The following TNFSF18 variants were observed in gnomAD, a reference collection of about 807,000 sequenced individuals.
TNFSF18 encodes the protein tumor necrosis factor ligand superfamily member 18.
A neutral mutation model predicts 9.6 loss-of-function variants in TNFSF18; 6 were observed. The observed-to-expected ratio is 0.63, with a 90% CI of 0.34 to 1.24. TNFSF18 has a LOEUF of 1.24. TNFSF18 is among the 50% of genes most tolerant of loss of function. The probability of loss-of-function intolerance (pLI) is 0.03; values close to 1 mark genes in which losing one functional copy is unlikely to be tolerated. For missense variants in TNFSF18, 210 were observed against 201.0 expected, an observed-to-expected ratio of 1.04 and a Z score of -0.27; for synonymous variants, 68 against 71.7, an observed-to-expected ratio of 0.95 and a Z score of 0.26.
intron 1 of TNFSF18, among the ~76,000 whole-genome samples, chr1:173,047,611 T>C (rs780021104): frequency 6.6e-6 from 1 of 152,134 alleles, no homozygotes; most frequent in Non-Finnish European, 1.5e-5. Context: ...TTGGTAACAA[T>C]CTAAATATGA....
chr1:173,041,729 A>G lies in TNFSF18; in HGVS notation c.188-16T>C. 6.5e-7 allele frequency: 1 copy of G among 1,537,122 alleles called. No individual in the cohort carries two copies. The highest frequency in any genetic ancestry group is 8.8e-7 in the Non-Finnish European group (1 of 1,141,916). ...GGTAATGGTCCTATAAGAAATATAC[A>G]AGGATAAAAAAGATGAAAGCATAGT... is the stretch of plus-strand genomic sequence containing the variant. On this transcript the variant is annotated splice_polypyrimidine_tract_variant and intron_variant, in intron 2 of 2. Coordinates refer to ENST00000404377, the MANE Select transcript of TNFSF18 (RefSeq NM_005092.4).
chr1:173,047,685 C>T (rs1031643743), intron 1 of TNFSF18, among the ~76,000 whole-genome samples: 2 of 152,140 alleles, frequency 1.3e-5, no homozygotes, highest in African/African-American at 4.8e-5. Flanking sequence ...ATGAGATGTG[C>T]TCAGAGAAAC....
At position 173,045,509 on chromosome 1, in the gene TNFSF18, G is replaced by A. The variant is rs192470194; in HGVS notation, c.157-1540C>T. 8.5e-5 allele frequency among the ~76,000 whole-genome samples: 13 copies of A among 152,192 alleles called. No individual in the cohort carries two copies. In the East Asian group the frequency reaches 2.5e-3, roughly 29 times the overall value. ...TTAGTTTCTGTGATATGTGAAGAGG[G>A]CAGAAGCTTAGTTAAAATAAATTTA... is the stretch of plus-strand genomic sequence containing the variant. On this transcript the variant is annotated intron_variant, in intron 1 of 2. Coordinates refer to ENST00000404377, the MANE Select transcript of TNFSF18 (RefSeq NM_005092.4).
At position 173,041,542 on chromosome 1, in the gene TNFSF18, T is replaced by A; in HGVS notation, c.359A>T (p.Asn120Ile). Residue 120 changes from asparagine to isoleucine, a missense_variant, in exon 3 of 3, where the codon AAC becomes ATC. Transcript: ENST00000404377. ...VAPFEVRLYK[N>I]KDMIQTLTNK... ...TGTTAGAGTTTGTATCATGTCTTTG[T>A]TTTTATACAGCCGCACCTCAAAAGG... 6.2e-7 allele frequency: 1 copy of A among 1,613,600 alleles called. No individual in the cohort carries two copies. Among genetic ancestry groups the A allele is most frequent in the Non-Finnish European group, 8.5e-7 (1 of 1,179,656 alleles).
chr1:173,047,279 G>A (rs1665101338), intron 1 of TNFSF18, among the ~76,000 whole-genome samples: 1 of 152,152 alleles, frequency 6.6e-6, no homozygotes, highest in Non-Finnish European at 1.5e-5. Context: ...ATAGGGACGT[G>A]ACAAAGACTC....
chr1:173,049,903 C>G (rs1455793951), intron 1 of TNFSF18, among the ~76,000 whole-genome samples: 1 of 152,150 alleles, frequency 6.6e-6, no homozygotes, highest in Non-Finnish European at 1.5e-5. Context: ...AATCTCCATT[C>G]CCAGTGTACC....
At position 173,039,737 on chromosome 1, in the gene TNFSF18, T is replaced by C. The variant is rs1055866085; in HGVS notation, c.*1630A>G. 5.4e-5 allele frequency among the ~76,000 whole-genome samples: 8 copies of C among 148,582 alleles called. No individual in the cohort carries two copies. The highest frequency in any genetic ancestry group is 7.5e-5 in the African/African-American group (3 of 40,044). On this transcript the variant is annotated 3_prime_UTR_variant, in exon 3 of 3. Transcript: ENST00000404377. ...GTATACATATATATACACACACACA[T>C]ATACACACACACACACACACACACA...
Position 173,041,031 on chromosome 1 carries a change from C to A in TNFSF18, c.*336G>T. ...TACTGCCCCAGATCCTTTTTGCATA[C>A]CAGGTAAATCTTCCATGGGAATAGA... On this transcript the variant is annotated 3_prime_UTR_variant, in exon 3 of 3. Transcript: ENST00000404377. The A allele has an allele frequency of 5.4e-6, 1 of 184,974 alleles. No homozygotes were observed. Among genetic ancestry groups the A allele is most frequent in the Non-Finnish European group, 1.1e-5 (1 of 90,406 alleles). 11.5% of individuals were successfully genotyped at this position (184,974 alleles called of 1,614,324 possible). A position where few individuals can be genotyped will look rare whatever the true frequency, so the allele number is the denominator to read the frequency against.
At position 173,041,731 on chromosome 1, in the gene TNFSF18, G is replaced by A; in HGVS notation, c.188-18C>T. ...TAATGGTCCTATAAGAAATATACAA[G>A]GATAAAAAAGATGAAAGCATAGTTA... On this transcript the variant is annotated intron_variant, in intron 2 of 2. Transcript: ENST00000404377. 1.3e-6 allele frequency: 2 copies of A among 1,533,884 alleles called. No individual in the cohort carries two copies. The highest frequency in any genetic ancestry group is 1.3e-5 in the South Asian group (1 of 79,180).
chr1:173,041,139 T>C lies in TNFSF18; in HGVS notation c.*228A>G, dbSNP rs768298062. On this transcript the variant is annotated 3_prime_UTR_variant, in exon 3 of 3. Transcript: ENST00000404377. ...TGTCCTCTGTCATCCATATTTGTTT[T>C]ATCATGGATTAATGAAGTATCTCTG... 2.4e-6 allele frequency: 1 copy of C among 408,928 alleles called. No individual in the cohort carries two copies. Among genetic ancestry groups the C allele is most frequent in the Non-Finnish European group, 4.3e-6 (1 of 231,308 alleles). The allele number at this position is 408,928 out of a possible 1,614,324, so 25.3% of individuals were successfully genotyped here.
Position 173,041,666 on chromosome 1 carries a change from C to G in TNFSF18, c.235G>C (p.Val79Leu). 1.2e-6 allele frequency: 2 copies of G among 1,612,670 alleles called. No homozygotes were observed. The highest frequency in any genetic ancestry group is 1.7e-4 in the Middle Eastern group (1 of 6,042). Residue 79 changes from valine to leucine, a missense_variant, in exon 3 of 3, where the codon GTG (valine) becomes CTG (leucine). Coordinates refer to ENST00000404377, the MANE Select transcript of TNFSF18 (RefSeq NM_005092.4). ...AGCTTCCAGTCAGACACCTTATTCA[C>G]GCAAGGAGGTTCAGAAGATGCCATT... ...WQMASSEPPC[V>L]NKVSDWKLEI...
chr1:173,048,552 T>A (rs1397063820), intron 1 of TNFSF18, among the ~76,000 whole-genome samples: 1 of 152,196 alleles, frequency 6.6e-6, no homozygotes, highest in Non-Finnish European at 1.5e-5. Flanking sequence ...CACTGAGGGA[T>A]TGACCAAACT....
intron 1 of TNFSF18, among the ~76,000 whole-genome samples, chr1:173,049,462 C>G (rs1305533490): frequency 6.6e-6 from 1 of 152,166 alleles, no homozygotes; most frequent in Non-Finnish European, 1.5e-5. Context: ...CTGCTTCATA[C>G]ATTTCTTGAG....
intron 1 of TNFSF18, among the ~76,000 whole-genome samples, chr1:173,047,637 C>T (rs562165209): frequency 1.4e-4 from 21 of 152,242 alleles, no homozygotes; most frequent in African/African-American, 4.8e-4. Flanking sequence ...TGCCAAAATA[C>T]GTGCCACAGA....
At chr1:173,043,888 C>A in intron 2 of TNFSF18, 51 bp downstream of exon 2, 1 of 1,511,060 alleles carries the variant, frequency 6.6e-7, no homozygotes, top group South Asian at 1.1e-5. Context: ...CACCTGCCTT[C>A]TTGCATCAAA....
intron 1 of TNFSF18, among the ~76,000 whole-genome samples, chr1:173,044,866 A>G (rs1445860628): frequency 2.0e-5 from 3 of 152,178 alleles, no homozygotes; most frequent in Admixed American, 2.0e-4. Context: ...CCAAGGTGCT[A>G]GCTCTGTAGA....
At chr1:173,048,665 T>TA (rs1665120819) in intron 1 of TNFSF18, among the ~76,000 whole-genome samples, 1 of 152,212 alleles carries the variant, frequency 6.6e-6, no homozygotes, top group Non-Finnish European at 1.5e-5. Flanking sequence ...CTAACACTTT[T>TA]TAAAGTGTTA....
In TNFSF18 at chr1:173,041,453, A is replaced by G; in HGVS notation, c.448T>C (p.Leu150=). The G allele has an allele frequency of 6.2e-7, 1 of 1,613,600 alleles. No homozygotes were observed. The highest frequency in any genetic ancestry group is 8.5e-7 in the Non-Finnish European group (1 of 1,179,630). Residue 150 remains leucine (L), a synonymous_variant, in exon 3 of 3, where the codon TTG becomes CTG. Coordinates refer to ENST00000404377, the MANE Select transcript of TNFSF18 (RefSeq NM_005092.4). ...YELHVGDTID[L]IFNSEHQVLK... is the part of the protein sequence containing the mutation. ...ACCTGATGCTCAGAGTTGAATATCA[A>G]GTCTATGGTGTCCCCAACATGCAAT...
At chr1:173,041,820 A>AATGATACGGCG in intron 2 of TNFSF18, 107 bp from the exon 3 acceptor site, 40 of 920,718 alleles carry the variant, frequency 4.3e-5, no homozygotes, top group South Asian at 1.9e-4. Flanking sequence ...TTGTTTCTTT[A>AATGATACGGCG]CCTGATCTAC....
Sources: allele counts gnomAD v4.1 joint callset (sites outside exome capture counted in the v4.1 genomes callset), GRCh38; gene constraint gnomAD v4.1.1; transcripts MANE v1.5; gene names NCBI Gene and HGNC (gene_info 2026-07-23, HGNC 2026-07-21).